The following HTR1F variants were observed in gnomAD, a reference collection of about 807,000 sequenced individuals.
The protein encoded by HTR1F is 5-hydroxytryptamine receptor 1F, also known as 5-hydroxytryptamine (serotonin) receptor 1F, G protein-coupled.
A neutral mutation model predicts 24.0 loss-of-function variants in HTR1F; 17 were observed. The ratio of observed to expected loss-of-function variants is 0.71; its 90% CI spans 0.48 to 1.06. The LOEUF (loss-of-function observed/expected upper bound fraction) is 1.06, where lower values mean the gene tolerates loss of function less well. Among genes scored for constraint, HTR1F ranks in the 50% least tolerant of loss-of-function variants. The probability of loss-of-function intolerance (pLI) is 0.00; values close to 1 mark genes in which losing one functional copy is unlikely to be tolerated. For missense variants in HTR1F, 391 were observed against 427.8 expected (o/e 0.91, Z 0.76); for synonymous variants, 186 against 156.8 (o/e 1.19, Z -1.39).
chr3:87,849,134 G>C (rs1169654039), intron 2 of HTR1F, among the ~76,000 whole-genome samples: 2 of 151,578 alleles, frequency 1.3e-5, no homozygotes, highest in South Asian at 2.1e-4. Context: ...AACCAAAAAA[G>C]AGCCCGCATT....
At chr3:87,908,945 T>C (rs935736551) in intron 2 of HTR1F, among the ~76,000 whole-genome samples, 3 of 152,078 alleles carry the variant, frequency 2.0e-5, no homozygotes, top group Non-Finnish European at 4.4e-5. Flanking sequence ...TATTTGTGCA[T>C]TGAAAGTGTT....
chr3:87,919,899 C>T (rs775902932), intron 2 of HTR1F, among the ~76,000 whole-genome samples: 12 of 151,432 alleles, frequency 7.9e-5, no homozygotes, highest in South Asian at 2.1e-4. Context: ...AGTCATTACA[C>T]GAAAAAAATA....
rs555875934 is a variant in HTR1F at position 87,859,992 on chromosome 3, A to C, written c.-43+37868A>C. 3.3e-5 allele frequency among the ~76,000 whole-genome samples: 5 copies of C among 152,318 alleles called. No individual in the cohort carries two copies. In the East Asian group the frequency reaches 9.6e-4, roughly 29 times the overall value. ...AACAAAAATAAAAAACAATAATAAC[A>C]AAAAGGCAGAAACATGAGCATTTAA... is the stretch of plus-strand genomic sequence containing the variant. On this transcript the variant is annotated intron_variant, in intron 2 of 2. Coordinates refer to ENST00000319595, the MANE Select transcript of HTR1F (RefSeq NM_001322209.2).
At chr3:87,899,643 A>G (rs902152859) in intron 2 of HTR1F, among the ~76,000 whole-genome samples, 44 of 152,172 alleles carry the variant, frequency 2.9e-4, no homozygotes, top group African/African-American at 1.0e-3. Context: ...CGGGCTGATC[A>G]CTTGGGGTGA....
chr3:87,894,732 T>G (rs1827533), intron 2 of HTR1F, among the ~76,000 whole-genome samples: 2 of 152,060 alleles, frequency 1.3e-5, no homozygotes, highest in African/African-American at 4.8e-5. Flanking sequence ...CCAAGATAAC[T>G]TAGTCTCCTT....
intron 2 of HTR1F, among the ~76,000 whole-genome samples, chr3:87,937,867 T>A (rs1281742416): frequency 6.7e-5 from 10 of 148,262 alleles, no homozygotes; most frequent in African/African-American, 1.5e-4. Context: ...GAGGTTGCAG[T>A]GAGCCGAGAT....
chr3:87,797,788 G>A lies in HTR1F; in HGVS notation c.-160+4946G>A, dbSNP rs956218478. Among the ~76,000 whole-genome samples, 6 of 152,312 alleles carry A rather than the reference G, an allele frequency of 3.9e-5. No homozygotes were observed. In the South Asian group the frequency reaches 1.2e-3, roughly 32 times the overall value. On this transcript the variant is annotated intron_variant, in intron 1 of 2. Transcript: ENST00000319595. ...AAAAGTAGCTGGAGTGGGCCATGGAGACTTGTTTTTAAAATGGGAGTTACT... is the reference window on the plus strand; with the variant it reads ...AAAAGTAGCTGGAGTGGGCCATGGAAACTTGTTTTTAAAATGGGAGTTACT...
intron 2 of HTR1F, among the ~76,000 whole-genome samples, chr3:87,854,428 A>C (rs1314223642): frequency 6.6e-6 from 1 of 151,534 alleles, no homozygotes; most frequent in Non-Finnish European, 1.5e-5. Flanking sequence ...CTTTTTGTCT[A>C]TCTTTATTCC....
At chr3:87,807,995 T>C (rs183597957) in intron 1 of HTR1F, among the ~76,000 whole-genome samples, 46 of 152,192 alleles carry the variant, frequency 3.0e-4, no homozygotes, top group African/African-American at 1.1e-3. Context: ...ATATTATTTT[T>C]TTAATGTGCT....
chr3:87,838,049 T>C (rs1204365386), intron 2 of HTR1F, among the ~76,000 whole-genome samples: 1 of 152,146 alleles, frequency 6.6e-6, no homozygotes, highest in African/African-American at 2.4e-5. Context: ...CATAAAATGC[T>C]TATTTACTTT....
chr3:87,830,855 A>G (rs1329264829), intron 2 of HTR1F, among the ~76,000 whole-genome samples: 1 of 152,354 alleles, frequency 6.6e-6, no homozygotes, highest in South Asian at 2.1e-4. Flanking sequence ...GGTGAAAATC[A>G]GTATTACTGA....
At chr3:87,854,777 G>T (rs1420281929) in intron 2 of HTR1F, among the ~76,000 whole-genome samples, 1 of 151,856 alleles carries the variant, frequency 6.6e-6, no homozygotes, top group South Asian at 2.1e-4. Flanking sequence ...TTGTTTTGTG[G>T]TTCGAGACAT....
chr3:87,896,787 AT>A (rs1323998916), intron 2 of HTR1F, among the ~76,000 whole-genome samples: 2 of 152,194 alleles, frequency 1.3e-5, no homozygotes, highest in Non-Finnish European at 2.9e-5. Context: ...TTCTCCAAAG[AT>A]GGGAAAATGG....
intron 2 of HTR1F, among the ~76,000 whole-genome samples, chr3:87,828,781 T>C (rs1704513755): frequency 6.6e-6 from 1 of 152,206 alleles, no homozygotes; most frequent in Admixed American, 6.5e-5. Context: ...GCATAGATTT[T>C]CTGAAAAAGA....
intron 2 of HTR1F, among the ~76,000 whole-genome samples, chr3:87,948,535 G>A (rs1704763402): frequency 1.3e-5 from 2 of 151,558 alleles, no homozygotes; most frequent in Admixed American, 1.3e-4. Context: ...AGGCTGGAGT[G>A]CAGTCGCATA....
chr3:87,945,824 C>T (rs181783633), intron 2 of HTR1F, among the ~76,000 whole-genome samples: 90 of 152,162 alleles, frequency 5.9e-4, no homozygotes, highest in African/African-American at 1.9e-3. Flanking sequence ...TTACTCACGG[C>T]TTTAGAGGTC....
intron 2 of HTR1F, among the ~76,000 whole-genome samples, chr3:87,863,670 G>T (rs754739023): frequency 6.6e-6 from 1 of 151,948 alleles, no homozygotes; most frequent in Non-Finnish European, 1.5e-5. Context: ...TTTCTATAAT[G>T]CTCCTTAAAA....
chr3:87,969,037 T>A lies in HTR1F; in HGVS notation c.-42-21671T>A, dbSNP rs184620560. 4.7e-5 allele frequency among the ~76,000 whole-genome samples: 7 copies of A among 147,442 alleles called. No homozygotes were observed. The East Asian group carries it at 1.4e-3, about 29-fold the overall frequency. ...TATTGAGTCTGCAAGTGCACAGCAG[T>A]CAAAAATTGAGGTTTGGAAACCTCC... On this transcript the variant is annotated intron_variant, in intron 2 of 2. Transcript: ENST00000319595.
At chr3:87,980,880 A>G (rs1034973897) in intron 2 of HTR1F, among the ~76,000 whole-genome samples, 1 of 152,152 alleles carries the variant, frequency 6.6e-6, no homozygotes, top group South Asian at 2.1e-4. Context: ...GTGGGGAGAG[A>G]TCAGGCAGCA....
Sources: gnomAD v4.1 joint callset for allele counts (sites outside exome capture counted in the v4.1 genomes callset) on GRCh38, gnomAD v4.1.1 for gene constraint, MANE v1.5 for transcripts, NCBI Gene and HGNC (gene_info 2026-07-23, HGNC 2026-07-21) for gene names.